The following FBXL7 variants were observed in gnomAD, a reference collection of about 807,000 sequenced individuals.
FBXL7 encodes F-box/LRR-repeat protein 7.
Under a neutral mutation model 38.3 loss-of-function variants are expected in FBXL7, and 12 were observed. The ratio of observed to expected loss-of-function variants is 0.31; its 90% CI spans 0.20 to 0.51. The LOEUF is 0.51. Ranked by LOEUF, FBXL7 falls within the 20% of genes least tolerant of loss-of-function variation. FBXL7 has a pLI of 0.98. For missense variants in FBXL7, 567 were observed against 676.4 expected (o/e 0.84, Z 1.79); for synonymous variants, 297 against 300.9 (o/e 0.99, Z 0.13).
chr5:15,694,128 C>T (rs751826783), intron 2 of FBXL7, among the ~76,000 whole-genome samples: 3 of 152,146 alleles, frequency 2.0e-5, no homozygotes, highest in Non-Finnish European at 2.9e-5. Flanking sequence ...GGGTCGGAGC[C>T]CGTACTCCCC....
At chr5:15,776,711 C>G (rs140273048) in intron 2 of FBXL7, among the ~76,000 whole-genome samples, 1 of 152,168 alleles carries the variant, frequency 6.6e-6, no homozygotes, top group Non-Finnish European at 1.5e-5. Context: ...AACATCAACA[C>G]TAGAGAGAGA....
intron 2 of FBXL7, among the ~76,000 whole-genome samples, chr5:15,621,292 G>A (rs1390827523): frequency 2.6e-5 from 4 of 152,194 alleles, no homozygotes; most frequent in Non-Finnish European, 5.9e-5. Flanking sequence ...TGTAGGGGGG[G>A]TTGGGTTCCA....
At chr5:15,737,546 G>A (rs1459087641) in intron 2 of FBXL7, among the ~76,000 whole-genome samples, 1 of 152,156 alleles carries the variant, frequency 6.6e-6, no homozygotes, top group African/African-American at 2.4e-5. Context: ...TGTTGGAAGG[G>A]CATTGCTTCA....
chr5:15,900,826 C>T (rs1390337713), intron 2 of FBXL7, among the ~76,000 whole-genome samples: 1 of 152,164 alleles, frequency 6.6e-6, no homozygotes, highest in Non-Finnish European at 1.5e-5. Flanking sequence ...GCCCCTTGGC[C>T]TAATTTTCAG....
At chr5:15,668,368 T>TTGTGTGTGTG (rs148728974) in intron 2 of FBXL7, among the ~76,000 whole-genome samples, 18 of 145,768 alleles carry the variant, frequency 1.2e-4, no homozygotes, top group African/African-American at 3.5e-4. Flanking sequence ...ATATTTGTGT[T>TTGTGTGTGTG]TGTGTGTGTG....
At chr5:15,698,351 G>A (rs867542075) in intron 2 of FBXL7, among the ~76,000 whole-genome samples, 1 of 152,202 alleles carries the variant, frequency 6.6e-6, no homozygotes, top group Non-Finnish European at 1.5e-5. Context: ...GCATATGCAT[G>A]TGGGCATTGG....
intron 2 of FBXL7, among the ~76,000 whole-genome samples, chr5:15,673,423 A>G (rs1274160162): frequency 2.6e-5 from 4 of 152,202 alleles, no homozygotes; most frequent in African/African-American, 9.7e-5. Flanking sequence ...GTGCTTTATA[A>G]TTAAGGTCAT....
At chr5:15,521,900 T>C (rs1385059170) in intron 1 of FBXL7, among the ~76,000 whole-genome samples, 1 of 152,268 alleles carries the variant, frequency 6.6e-6, no homozygotes, top group Non-Finnish European at 1.5e-5. Flanking sequence ...CATTTCTTCG[T>C]ACTGAGCAAA....
At chr5:15,672,338 C>A (rs1033179719) in intron 2 of FBXL7, among the ~76,000 whole-genome samples, 26 of 152,216 alleles carry the variant, frequency 1.7e-4, no homozygotes, top group African/African-American at 6.3e-4. Context: ...ATCTTTAACT[C>A]CTCAAAATAT....
intron 1 of FBXL7, among the ~76,000 whole-genome samples, chr5:15,551,122 A>C (rs1396418958): frequency 6.6e-6 from 1 of 152,182 alleles, no homozygotes; most frequent in Non-Finnish European, 1.5e-5. Context: ...TGTTGTACTC[A>C]GCCCTGCCAC....
At chr5:15,898,744 T>G (rs539254966) in intron 2 of FBXL7, among the ~76,000 whole-genome samples, 5 of 152,308 alleles carry the variant, frequency 3.3e-5, no homozygotes, top group African/African-American at 1.2e-4. Context: ...ATTATGCCCA[T>G]AGAAAAACGG....
At chr5:15,730,344 A>G (rs554142014) in intron 2 of FBXL7, among the ~76,000 whole-genome samples, 5 of 152,268 alleles carry the variant, frequency 3.3e-5, no homozygotes, top group South Asian at 4.2e-4. Flanking sequence ...CCGCCCACGT[A>G]TAATAATTGG....
At chr5:15,903,364 T>C (rs184722698) in intron 2 of FBXL7, among the ~76,000 whole-genome samples, 60 of 152,262 alleles carry the variant, frequency 3.9e-4, no homozygotes, top group Admixed American at 1.2e-3. Flanking sequence ...GCACATTGTC[T>C]CCAGAAAGAC....
intron 2 of FBXL7, among the ~76,000 whole-genome samples, chr5:15,689,346 A>G (rs1743114092): frequency 6.7e-6 from 1 of 148,868 alleles, no homozygotes; most frequent in African/African-American, 2.5e-5. Flanking sequence ...TGTGATTTCT[A>G]CCTCCTTAGG....
intron 1 of FBXL7, among the ~76,000 whole-genome samples, chr5:15,615,451 A>C (rs1740413229): frequency 6.6e-6 from 1 of 152,206 alleles, no homozygotes; most frequent in South Asian, 2.1e-4. Context: ...TCTCCAGTTG[A>C]GAACTGCTGC....
intron 2 of FBXL7, among the ~76,000 whole-genome samples, chr5:15,723,576 C>T (rs922639958): frequency 3.9e-5 from 6 of 152,140 alleles, no homozygotes; most frequent in Admixed American, 1.3e-4. Context: ...GGCAGTAATA[C>T]GCATGACATA....
At chr5:15,735,706 G>A (rs1397826030) in intron 2 of FBXL7, among the ~76,000 whole-genome samples, 1 of 152,186 alleles carries the variant, frequency 6.6e-6, no homozygotes, top group Non-Finnish European at 1.5e-5. Flanking sequence ...ATGAATGTCC[G>A]GAGAGAAGGG....
intron 2 of FBXL7, among the ~76,000 whole-genome samples, chr5:15,812,756 T>C (rs1737901400): frequency 1.3e-5 from 2 of 152,302 alleles, no homozygotes; most frequent in South Asian, 4.1e-4. Flanking sequence ...ATTCTTCCTA[T>C]CCATGAGCAT....
intron 2 of FBXL7, among the ~76,000 whole-genome samples, chr5:15,778,740 C>T (rs748234742): frequency 9.2e-5 from 14 of 152,006 alleles, no homozygotes; most frequent in East Asian, 3.9e-4. Flanking sequence ...AGGTAGTTGC[C>T]GATGCTCCCG....
Sources: allele counts gnomAD v4.1 joint callset (sites outside exome capture counted in the v4.1 genomes callset), GRCh38; gene constraint gnomAD v4.1.1; transcripts MANE v1.5; gene names NCBI Gene and HGNC (gene_info 2026-07-23, HGNC 2026-07-21).